Variants in NUP214 observed in about 807,000 individuals in gnomAD.
The protein encoded by NUP214 is nucleoporin 214, also known as nuclear pore complex protein Nup214.
NUP214 carries 79 observed loss-of-function variants against 196.2 expected under a neutral mutation model. The observed-to-expected ratio is 0.40, with a 90% CI of 0.34 to 0.49. The LOEUF (loss-of-function observed/expected upper bound fraction) is 0.49. Ranked by LOEUF, NUP214 falls within the 20% of genes least tolerant of loss-of-function variation. NUP214 has a pLI of 0.58. For missense variants in NUP214, 2,468 were observed against 2,539.0 expected (o/e 0.97, Z 0.60); for synonymous variants, 1,020 against 990.5 (o/e 1.03, Z -0.56).
intron 10 of NUP214, 141 bp downstream of exon 10, chr9:131,139,548 T>A: frequency 7.8e-7 from 1 of 1,287,348 alleles, no homozygotes; most frequent in Non-Finnish European, 1.1e-6. Flanking sequence ...CCCTGAAGAG[T>A]GATAACAGGC....
chr9:131,204,013 T>G (rs1300350121), intron 30 of NUP214, among the ~76,000 whole-genome samples: 1 of 152,238 alleles, frequency 6.6e-6, no homozygotes, highest in African/African-American at 2.4e-5. Flanking sequence ...AGAGTGATGC[T>G]GCCTCCAGGT....
At chr9:131,176,798 C>A (rs1292798631) in intron 23 of NUP214, among the ~76,000 whole-genome samples, 2 of 152,176 alleles carry the variant, frequency 1.3e-5, no homozygotes, top group Non-Finnish European at 2.9e-5. Flanking sequence ...TAGTTGGTCT[C>A]AAGGACTTCA....
chr9:131,167,862 A>G (rs1414093631), intron 21 of NUP214, among the ~76,000 whole-genome samples: 1 of 152,006 alleles, frequency 6.6e-6, no homozygotes, highest in African/African-American at 2.4e-5. Context: ...CCTCTTAATT[A>G]TGTCTTGGTG....
intron 17 of NUP214, among the ~76,000 whole-genome samples, chr9:131,156,130 C>CT (rs71389397): frequency 2.8e-4 from 20 of 70,842 alleles, no homozygotes; most frequent in African/African-American, 8.4e-4. Flanking sequence ...GTATTTCTGT[C>CT]TTTTTTTTTT....
intron 28 of NUP214, among the ~76,000 whole-genome samples, chr9:131,196,388 C>T (rs1833791571): frequency 6.6e-6 from 1 of 152,098 alleles, no homozygotes; most frequent in South Asian, 2.1e-4. Context: ...GTCTCGAACT[C>T]CTGACCTCGT....
intron 17 of NUP214, among the ~76,000 whole-genome samples, chr9:131,154,022 G>C (rs917306236): frequency 6.6e-6 from 1 of 152,194 alleles, no homozygotes; most frequent in Non-Finnish European, 1.5e-5. Flanking sequence ...ACAATTGGGA[G>C]GGCATTCCAA....
In NUP214 at chr9:131,232,223, G is replaced by C; in HGVS notation, c.6215-61G>C. The C allele has an allele frequency of 2.5e-6, 4 of 1,591,954 alleles. No homozygotes were observed. In the African/African-American group the frequency reaches 4.0e-5, roughly 16 times the overall value. ...AGAGGAGGGCAGACACTTAGCATGGGGACCACCTTTGTCTTTCGAGTGGAT... is the reference window on the plus strand; with the variant it reads ...AGAGGAGGGCAGACACTTAGCATGGCGACCACCTTTGTCTTTCGAGTGGAT... On this transcript the variant is annotated intron_variant, in intron 34 of 35. Transcript: ENST00000359428. The surrounding 1 kb of genome is among the most constrained non-coding windows in gnomAD (Gnocchi z 5.1).
intron 30 of NUP214, among the ~76,000 whole-genome samples, chr9:131,208,164 G>T (rs943973833): frequency 6.6e-6 from 1 of 152,170 alleles, no homozygotes; most frequent in Non-Finnish European, 1.5e-5. Flanking sequence ...TAGTTTGGTG[G>T]TTTCTCAAAA....
Position 131,216,647 on chromosome 9 carries a change from T to G in NUP214, c.5749+1279T>G, listed in dbSNP as rs766646870. On this transcript the variant is annotated intron_variant, in intron 31 of 35. Transcript: ENST00000359428. ...GTTCAAGCAATTCTCCCAGCTCAGC[T>G]TCCCGAGTAGCTGGGATTACAGGCA... Among the ~76,000 whole-genome samples the G allele has an allele frequency of 4.6e-5, 7 of 151,258 alleles. No homozygotes were observed. In the Middle Eastern group the frequency reaches 0.014, roughly 294 times the overall value.
rs201639751 is a variant in NUP214 at position 131,146,182 on chromosome 9, C to T, written c.1823C>T (p.Pro608Leu). 8.1e-5 allele frequency: 130 copies of T among 1,614,180 alleles called. 2 individuals are homozygous for T. Among genetic ancestry groups the T allele is most frequent in the South Asian group, 2.3e-4 (21 of 91,078 alleles). Reference protein sequence around the residue: ...TPVSSSQSAPPMSPFSSASKP... With the variant: ...TPVSSSQSAPLMSPFSSASKP... ...GTTAGTAGCTCCCAGAGCGCACCCC[C>T]GATGTCGCCATTCTCTTCTGCCTCC... is the stretch of plus-strand genomic sequence containing the variant. The change falls in exon 13 of 36, where the codon CCG becomes CTG. Residue 608 changes from proline to leucine, a missense_variant. Transcript: ENST00000359428. This position sits in a 1 kb window ranked among gnomAD's most constrained non-coding sequence, Gnocchi z 4.6.
In NUP214 at chr9:131,144,686, T is replaced by C; in HGVS notation, c.1701T>C (p.Ala567=). The C allele has an allele frequency of 6.2e-7, 1 of 1,614,164 alleles. No individual in the cohort carries two copies. The highest frequency in any genetic ancestry group is 8.5e-7 in the Non-Finnish European group (1 of 1,180,004). The part of the protein sequence containing the change: ...LESTPVPSVS[A]PNIAMKPSFP... Reference sequence around the variant, plus strand: ...GCACACCAGTGCCAAGTGTGTCTGCTCCAAATATAGCAATGAAGCCCTCCT... The same window carrying C: ...GCACACCAGTGCCAAGTGTGTCTGCCCCAAATATAGCAATGAAGCCCTCCT... The change falls in exon 12 of 36, where the codon GCT becomes GCC. Residue 567 remains alanine (A), a synonymous_variant. Coordinates refer to ENST00000359428, the MANE Select transcript of NUP214 (RefSeq NM_005085.4).
At chr9:131,196,242 C>A (rs1833787431) in intron 28 of NUP214, among the ~76,000 whole-genome samples, 1 of 151,892 alleles carries the variant, frequency 6.6e-6, no homozygotes, top group African/African-American at 2.4e-5. Flanking sequence ...CACTGCAACC[C>A]CCACCTGCTG....
chr9:131,140,354 C>T (rs1023129088), intron 10 of NUP214, among the ~76,000 whole-genome samples, 195 bp from the exon 11 acceptor site: 4 of 152,132 alleles, frequency 2.6e-5, no homozygotes, highest in African/African-American at 9.7e-5. Context: ...TGGTGGCGAT[C>T]TGATAGCGGC....
chr9:131,139,618 A>G (rs956809330), intron 10 of NUP214, among the ~76,000 whole-genome samples: 2 of 152,230 alleles, frequency 1.3e-5, no homozygotes, highest in African/African-American at 2.4e-5. Context: ...CCAAGGCCAA[A>G]CACTGTATGT....
intron 30 of NUP214, 109 bp downstream of exon 30, chr9:131,201,826 C>A: frequency 1.1e-6 from 1 of 934,624 alleles, no homozygotes. Context: ...GCAAATATAG[C>A]CCTGTGTGGT....
At chr9:131,203,727 A>T (rs569904475) in intron 30 of NUP214, among the ~76,000 whole-genome samples, 1 of 151,808 alleles carries the variant, frequency 6.6e-6, no homozygotes, top group South Asian at 2.1e-4. Flanking sequence ...GATAAAACAT[A>T]AAAACCTTGT....
rs115025542 is a variant in NUP214, at chr9:131,140,089, T to C, written c.1133-460T>C. 2.4e-3 allele frequency among the ~76,000 whole-genome samples: 366 copies of C among 152,314 alleles called. 3 individuals are homozygous for C. The highest frequency in any genetic ancestry group is 8.4e-3 in the African/African-American group (351 of 41,556). The stretch of plus-strand genomic sequence containing the variant: ...AGCCTTAACTGATAAAATACATACT[T>C]GTCATTCAGCTGTGAATGAGGATAA... On this transcript the variant is annotated intron_variant, in intron 10 of 35. Coordinates refer to ENST00000359428, the MANE Select transcript of NUP214 (RefSeq NM_005085.4).
intron 26 of NUP214, chr9:131,190,384 T>G: frequency 1.5e-6 from 1 of 673,846 alleles, no homozygotes; most frequent in Non-Finnish European, 2.7e-6. Context: ...GGGCAAGTAG[T>G]GTGACTTGCA....
intron 34 of NUP214, 96 bp downstream of exon 34, chr9:131,230,865 A>C: frequency 7.1e-7 from 1 of 1,409,786 alleles, no homozygotes; most frequent in East Asian, 2.5e-5. Flanking sequence ...CAGTCTGTTT[A>C]GTATTTTAAA....
Sources: allele counts gnomAD v4.1 joint callset (sites outside exome capture counted in the v4.1 genomes callset), GRCh38; gene constraint gnomAD v4.1.1; non-coding constraint Gnocchi (gnomAD v3.1); transcripts MANE v1.5; gene names NCBI Gene and HGNC (gene_info 2026-07-23, HGNC 2026-07-21).